C2CD3: variants seen among roughly 807,000 people sequenced by gnomAD.
The protein encoded by C2CD3 is C2 domain-containing protein 3.
Under a neutral mutation model 234.0 loss-of-function variants are expected in C2CD3, and 148 were observed. The ratio of observed to expected loss-of-function variants is 0.63; its 90% CI spans 0.55 to 0.72. The LOEUF (loss-of-function observed/expected upper bound fraction) is 0.72. C2CD3 is among the 30% of genes least tolerant of loss of function. C2CD3 has a pLI of 0.00. For missense variants in C2CD3, 2,577 were observed against 2,811.5 expected (o/e 0.92, Z 1.89); for synonymous variants, 1,000 against 1,035.4 (o/e 0.97, Z 0.66).
chr11:74,141,112 A>C (rs1349685834), intron 3 of C2CD3, among the ~76,000 whole-genome samples: 2 of 152,348 alleles, frequency 1.3e-5, no homozygotes, highest in Non-Finnish European at 1.5e-5. Flanking sequence ...TCAAATAATG[A>C]ATGCCCTAAC....
intron 32 of C2CD3, among the ~76,000 whole-genome samples, chr11:74,019,220 TCA>T (rs1321224543): frequency 6.6e-6 from 1 of 152,222 alleles, no homozygotes; most frequent in Non-Finnish European, 1.5e-5. Context: ...GACTCTGGCC[TCA>T]GAGTGGCTCA....
chr11:74,088,650 C>A (rs1279050274), intron 20 of C2CD3, among the ~76,000 whole-genome samples: 1 of 152,200 alleles, frequency 6.6e-6, no homozygotes, highest in Non-Finnish European at 1.5e-5. Flanking sequence ...TATCTAAATT[C>A]TGAGTCCTTC....
In C2CD3 at chr11:74,133,429, T is replaced by G; in HGVS notation, c.1084A>C (p.Thr362Pro). The G allele has an allele frequency of 6.2e-7, 1 of 1,613,394 alleles. No homozygotes were observed. The highest frequency in any genetic ancestry group is 8.5e-7 in the Non-Finnish European group (1 of 1,179,380). Residue 362 changes from threonine to proline, a missense_variant, in exon 6 of 33, where the codon ACA becomes CCA. By Grantham distance (38) the Thr-to-Pro change is conservative. Coordinates refer to ENST00000334126, the MANE Select transcript of C2CD3 (RefSeq NM_001286577.2). Reference protein sequence around the residue: ...PINEDSLRASTQIRAFSRNRF... With the variant: ...PINEDSLRASPQIRAFSRNRF... ...TCTGTCTATCCTGTAACTTACTGTG[T>G]TGATGCTCTAAGAGAATCTTCATTA... is the stretch of plus-strand genomic sequence containing the variant.
At chr11:74,143,486 G>C (rs1454877467) in intron 3 of C2CD3, among the ~76,000 whole-genome samples, 1 of 150,116 alleles carries the variant, frequency 6.7e-6, no homozygotes, top group Non-Finnish European at 1.5e-5. Flanking sequence ...CAAAGTAGCT[G>C]GGATTACTGG....
chr11:74,150,907 TTTTC>T (rs750844856), intron 3 of C2CD3, among the ~76,000 whole-genome samples: 46 of 151,816 alleles, frequency 3.0e-4, no homozygotes, highest in Admixed American at 1.8e-3. Flanking sequence ...ACAGGAGACT[TTTTC>T]TTTCTTTCTT....
At chr11:74,082,547 T>C (rs1341439305) in intron 22 of C2CD3, among the ~76,000 whole-genome samples, 1 of 152,214 alleles carries the variant, frequency 6.6e-6, no homozygotes, top group African/African-American at 2.4e-5. Context: ...GATAATCGTG[T>C]GGTTTTTGTC....
chr11:74,092,462 T>C lies in C2CD3; in HGVS notation c.3471A>G (p.Leu1157=). The C allele has an allele frequency of 6.2e-7, 1 of 1,613,926 alleles. No homozygotes were observed. Among genetic ancestry groups the C allele is most frequent in the Non-Finnish European group, 8.5e-7 (1 of 1,179,822 alleles). The change falls in exon 19 of 33, where the codon TTA becomes TTG. Residue 1157 remains leucine (L), a synonymous_variant. Transcript: ENST00000334126. The part of the protein sequence containing the change: ...DVGIQTFNLP[L]TPRIENRKEL... ...CTTTCCTGTTCTCAATCCTGGGGGTTAAAGGGAGATTAAAGGTCTGTATTC... is the reference window on the plus strand; with the variant it reads ...CTTTCCTGTTCTCAATCCTGGGGGTCAAAGGGAGATTAAAGGTCTGTATTC...
intron 3 of C2CD3, among the ~76,000 whole-genome samples, chr11:74,154,950 G>A (rs915503426): frequency 6.6e-6 from 1 of 152,228 alleles, no homozygotes; most frequent in Non-Finnish European, 1.5e-5. Flanking sequence ...AAGAGCTGGT[G>A]AAGCATAAAC....
chr11:74,156,914 T>C (rs1454882636), intron 3 of C2CD3, among the ~76,000 whole-genome samples: 3 of 152,214 alleles, frequency 2.0e-5, no homozygotes, highest in African/African-American at 7.2e-5. Flanking sequence ...GAAGTTGCAG[T>C]GAGCAGAGAT....
chr11:74,154,493 T>C (rs1855881563), intron 3 of C2CD3, among the ~76,000 whole-genome samples: 1 of 152,154 alleles, frequency 6.6e-6, no homozygotes. Context: ...GAATAAATAC[T>C]TATAGCCCTA....
chr11:74,013,798 C>A (rs1388781423), intron 32 of C2CD3, among the ~76,000 whole-genome samples: 1 of 152,178 alleles, frequency 6.6e-6, no homozygotes, highest in Non-Finnish European at 1.5e-5. Context: ...GACGTGAACC[C>A]CAGCCCTGAC....
intron 2 of C2CD3, among the ~76,000 whole-genome samples, chr11:74,162,142 T>C (rs1856520275): frequency 6.6e-6 from 1 of 152,162 alleles, no homozygotes; most frequent in South Asian, 2.1e-4. Flanking sequence ...TTTTACAAGC[T>C]GTAAATTGAT....
intron 20 of C2CD3, among the ~76,000 whole-genome samples, chr11:74,089,261 C>T (rs1196175892): frequency 6.6e-6 from 1 of 152,070 alleles, no homozygotes; most frequent in East Asian, 1.9e-4. Flanking sequence ...ATGCGACATA[C>T]CCATATAACA....
intron 8 of C2CD3, among the ~76,000 whole-genome samples, chr11:74,120,823 A>T (rs1311319379): frequency 6.6e-6 from 1 of 152,174 alleles, no homozygotes; most frequent in Non-Finnish European, 1.5e-5. Flanking sequence ...GCATTTCAAC[A>T]TTCAAAGTAG....
intron 4 of C2CD3, 57 bp from the exon 5 acceptor site, chr11:74,139,024 T>G: frequency 6.9e-7 from 1 of 1,452,234 alleles, no homozygotes; most frequent in Non-Finnish European, 9.4e-7. Context: ...GGTAACATTC[T>G]ATTTTGTCAG....
intron 5 of C2CD3, among the ~76,000 whole-genome samples, chr11:74,135,222 G>A (rs1957820730): frequency 6.6e-6 from 1 of 151,424 alleles, no homozygotes; most frequent in Non-Finnish European, 1.5e-5. Flanking sequence ...TCAAACACTT[G>A]TCTAGGTATT....
intron 7 of C2CD3, among the ~76,000 whole-genome samples, chr11:74,131,605 G>A (rs1193394805): frequency 1.3e-5 from 2 of 148,414 alleles, no homozygotes; most frequent in Non-Finnish European, 3.0e-5. Context: ...TTTTTGAGAT[G>A]GAGTCTTACT....
intron 25 of C2CD3, 81 bp downstream of exon 25, chr11:74,057,325 G>T: frequency 1.4e-6 from 2 of 1,450,444 alleles, no homozygotes; most frequent in Non-Finnish European, 1.9e-6. Flanking sequence ...AAATTGTGTT[G>T]GTTATAGTCC....
rs551565613 is a variant in C2CD3, at chr11:74,130,412, TTGTAGAGATGGGGGTTTCACTA to T, written c.1217+2410_1217+2431del. 9.4e-3 allele frequency among the ~76,000 whole-genome samples: 1,436 copies of T among 151,984 alleles called. 18 individuals carry two copies. The highest frequency in any genetic ancestry group is 0.032 in the African/African-American group (1,337 of 41,444). ...AGCTAATCTTTTTTATTTTTATTTT[TTGTAGAGATGGGGGTTTCACTA>T]TGTAGTCCAGGCTGGTCTCAAACTC... On this transcript the variant is annotated intron_variant, in intron 7 of 32. Transcript: ENST00000334126.
Sources: gnomAD v4.1 joint callset for allele counts (sites outside exome capture counted in the v4.1 genomes callset) on GRCh38, gnomAD v4.1.1 for gene constraint, MANE v1.5 for transcripts, NCBI Gene and HGNC (gene_info 2026-07-23, HGNC 2026-07-21) for gene names.